The following SSR4 variants were observed in gnomAD, a reference collection of about 807,000 sequenced individuals.
SSR4 encodes signal sequence receptor subunit 4, also known as translocon-associated protein subunit delta.
For missense variants in SSR4, 125 were observed against 148.8 expected, an observed-to-expected ratio of 0.84 and a Z score of 0.83; for synonymous variants, 84 against 65.6, an observed-to-expected ratio of 1.28 and a Z score of -1.35.
chrX:153,797,705 C>CAG lies in SSR4; in HGVS notation c.262-20_262-19insAG, dbSNP rs2092150367. 8.3e-7 allele frequency: 1 copy of CAG among 1,202,184 alleles called. No individual in the cohort carries two copies. Among genetic ancestry groups the CAG allele is most frequent in the African/African-American group, 1.8e-5 (1 of 57,078 alleles). The stretch of plus-strand genomic sequence containing the variant: ...CCTCCGTGTCCACTCTGCCCACACT[C>CAG]TGCTCAACACCCAACCCAGGTGTCC... On this transcript the variant is annotated intron_variant, in intron 3 of 5. Transcript: ENST00000370086.
At position 153,794,896 on chromosome X, in the gene SSR4, G is replaced by T. The variant is rs2092129921; in HGVS notation, c.67+142G>T. On this transcript the variant is annotated intron_variant, in intron 1 of 5. Transcript: ENST00000370086. Reference sequence around the variant, plus strand: ...TTCCCCCGAGAGGCAGGCGGCCTTGGGACGGGGGGACCAAAGCACCTCGCG... The same window carrying T: ...TTCCCCCGAGAGGCAGGCGGCCTTGTGACGGGGGGACCAAAGCACCTCGCG... 7.1e-6 allele frequency: 5 copies of T among 700,672 alleles called. No individual in the cohort carries two copies. The South Asian group carries it at 1.4e-4, about 20-fold the overall frequency. The allele number at this position is 700,672 out of a possible 1,213,427, so 57.7% of individuals were successfully genotyped here. A position where few individuals can be genotyped will look rare whatever the true frequency, so the allele number is the denominator to read the frequency against.
upstream of SSR4, chrX:153,794,637 C>T (rs372335182): frequency 1.3e-5 from 16 of 1,209,764 alleles, no homozygotes; most frequent in African/African-American, 2.6e-4. Flanking sequence ...CTCGTTTGCC[C>T]CTCGTGTTCA....
At chrX:153,794,812 T>G in intron 1 of SSR4, 58 bp downstream of exon 1, 2 of 1,169,961 alleles carry the variant, frequency 1.7e-6, no homozygotes. Flanking sequence ...CAGGTGGTGT[T>G]GGGGGCAGGA....
upstream of SSR4, chrX:153,794,509 G>A (rs925822637): frequency 1.0e-5 from 12 of 1,158,681 alleles, no homozygotes; most frequent in African/African-American, 1.8e-5. Flanking sequence ...GGGGGACCGC[G>A]ACCAGCTGGG....
chrX:153,795,101 C>T (rs1296967858), intron 1 of SSR4: 5 of 250,045 alleles, frequency 2.0e-5, no homozygotes, highest in Non-Finnish European at 3.6e-5. Flanking sequence ...CGGCCAAAAA[C>T]GGGGCTGGAG....
At chrX:153,794,445 C>T (rs1465719314), upstream of SSR4, 1 of 1,138,422 alleles carries the variant, frequency 8.8e-7, no homozygotes, top group Admixed American at 2.7e-5. Flanking sequence ...CGCGCGGTCG[C>T]ACCGATTCAC....
chrX:153,794,572 G>A, upstream of SSR4: 2 of 1,180,071 alleles, frequency 1.7e-6, no homozygotes, highest in Non-Finnish European at 2.3e-6. Context: ...TCACAATGCC[G>A]GCCCAGCCGT....
intron 2 of SSR4, chrX:153,796,999 C>T (rs983146170): frequency 2.2e-5 from 4 of 178,523 alleles, no homozygotes; most frequent in Non-Finnish European, 4.2e-5. Flanking sequence ...TCCTCTCAGT[C>T]TCCTAAGTAG....
upstream of SSR4, chrX:153,794,635 C>T (rs919220847): frequency 1.6e-5 from 19 of 1,209,334 alleles, no homozygotes; most frequent in African/African-American, 2.8e-4. Context: ...TCCTCGTTTG[C>T]CCCTCGTGTT....
chrX:153,797,418 AGGG>A (rs1186392093), intron 2 of SSR4, 37 bp from the exon 3 acceptor site: 1 of 1,142,424 alleles, frequency 8.8e-7, no homozygotes, highest in Non-Finnish European at 1.2e-6. Context: ...CCACACCCAG[AGGG>A]GGCAGAAGGT....
At chrX:153,797,931 C>T (rs1163544921) in intron 4 of SSR4, 117 bp downstream of exon 4, 3 of 864,346 alleles carry the variant, frequency 3.5e-6, no homozygotes, top group African/African-American at 2.0e-5. Flanking sequence ...CCTGTCCCTT[C>T]CTCAGTGTCT....
upstream of SSR4, chrX:153,794,634 G>T (rs781852813): frequency 5.0e-6 from 6 of 1,210,221 alleles, no homozygotes; most frequent in South Asian, 1.1e-4. Context: ...TTCCTCGTTT[G>T]CCCCTCGTGT....
chrX:153,797,709 T>A lies in SSR4; in HGVS notation c.262-16T>A. ...CGTGTCCACTCTGCCCACACTCTGC[T>A]CAACACCCAACCCAGGTGTCCTGGA... On this transcript the variant is annotated splice_polypyrimidine_tract_variant and intron_variant, in intron 3 of 5. Coordinates refer to ENST00000370086, the MANE Select transcript of SSR4 (RefSeq NM_006280.3). 8.3e-7 allele frequency: 1 copy of A among 1,206,376 alleles called. No homozygotes were observed. The highest frequency in any genetic ancestry group is 1.1e-6 in the Non-Finnish European group (1 of 891,557).
chrX:153,796,377 C>G, intron 1 of SSR4, 57 bp from the exon 2 acceptor site: 1 of 923,839 alleles, frequency 1.1e-6, no homozygotes, highest in Non-Finnish European at 1.6e-6. Flanking sequence ...CCATCCTGCC[C>G]TCAGACCGGG....
chrX:153,794,726 C>T lies in SSR4; in HGVS notation c.39C>T (p.Leu13=). The change falls in exon 1 of 6, where the codon CTC becomes CTT. Residue 13 remains leucine, a synonymous_variant. Transcript: ENST00000370086. ...CATCTCTCGGCGCCCTGGCGCTGCT[C>T]CTGCTGTCCAGCCTCTCCCGCTGCT... is the stretch of plus-strand genomic sequence containing the variant. The part of the protein sequence containing the change: ...AMASLGALAL[L]LLSSLSRCSA... The T allele has an allele frequency of 1.7e-6, 2 of 1,211,835 alleles. No individual in the cohort carries two copies. Among genetic ancestry groups the T allele is most frequent in the East Asian group, 3.0e-5 (1 of 33,857 alleles).
intron 4 of SSR4, 85 bp downstream of exon 4, chrX:153,797,899 A>G (rs1652861403): frequency 1.1e-6 from 1 of 906,262 alleles, no homozygotes. Flanking sequence ...GCAAGTCCTG[A>G]GCTGGGTGGC....
chrX:153,794,299 C>T (rs374207063), upstream of SSR4: 16 of 1,197,702 alleles, frequency 1.3e-5, no homozygotes, highest in Non-Finnish European at 1.8e-5. Context: ...GCGGCGCTGC[C>T]GGCGACGGTC....
chrX:153,794,188 C>A, upstream of SSR4: 1 of 1,117,285 alleles, frequency 9.0e-7, no homozygotes, highest in Non-Finnish European at 1.2e-6. Flanking sequence ...TCGGGTGCGG[C>A]TACCCCACCG....
upstream of SSR4, chrX:153,794,574 C>T (rs781896845): frequency 2.5e-6 from 3 of 1,180,717 alleles, no homozygotes; most frequent in Non-Finnish European, 3.4e-6. Context: ...ACAATGCCGG[C>T]CCAGCCGTTC....
Sources: gnomAD v4.1 joint callset for allele counts on GRCh38, gnomAD v4.1.1 for gene constraint, MANE v1.5 for transcripts, NCBI Gene and HGNC (gene_info 2026-07-23, HGNC 2026-07-21) for gene names.